PLXNA4: variants seen among roughly 807,000 people sequenced by gnomAD.
PLXNA4 encodes plexin-A4.
PLXNA4 carries 44 observed loss-of-function variants against 191.8 expected under a neutral mutation model. The observed-to-expected ratio is 0.23, with a 90% confidence interval of 0.18 to 0.29. PLXNA4 has a LOEUF of 0.29. Among genes scored for constraint, PLXNA4 ranks in the 10% least tolerant of loss-of-function variants. The probability of loss-of-function intolerance (pLI) is 1.00; values close to 1 mark genes in which losing one functional copy is unlikely to be tolerated. For synonymous variants in PLXNA4, 1,082 were observed against 1,009.5 expected (o/e 1.07, Z -1.36); for missense variants, 1,800 against 2,488.8 (o/e 0.72, Z 5.89).
rs553521554 is a variant in PLXNA4 at position 132,218,608 on chromosome 7, G to A, written c.2097+4919C>T. Among the ~76,000 whole-genome samples, 9 of 152,344 alleles carry A rather than the reference G, an allele frequency of 5.9e-5. No homozygotes were observed. The South Asian group carries it at 1.9e-3, about 32-fold the overall frequency. ...TTCCTCAAGCATCATCTTTAAGTGTGAATGCCTGATGGGAGGTCCAGGTTG... is the reference window on the plus strand; with the variant it reads ...TTCCTCAAGCATCATCTTTAAGTGTAAATGCCTGATGGGAGGTCCAGGTTG... On this transcript the variant is annotated intron_variant, in intron 9 of 31. Transcript: ENST00000321063.
chr7:132,296,791 G>A (rs1187539339), intron 4 of PLXNA4, among the ~76,000 whole-genome samples: 1 of 152,018 alleles, frequency 6.6e-6, no homozygotes, highest in East Asian at 1.9e-4. Flanking sequence ...TAAAAGCAAG[G>A]AATGCAGACA....
At chr7:132,368,964 C>T (rs1585044602) in intron 3 of PLXNA4, among the ~76,000 whole-genome samples, 1 of 152,326 alleles carries the variant, frequency 6.6e-6, no homozygotes, top group African/African-American at 2.4e-5. Flanking sequence ...GGGGCTTCCC[C>T]TGCAGTCCTC....
chr7:132,592,391 G>A (rs991996300), intron 2 of PLXNA4, among the ~76,000 whole-genome samples: 4 of 151,978 alleles, frequency 2.6e-5, no homozygotes, highest in African/African-American at 7.3e-5. Flanking sequence ...CCTGACACCC[G>A]ATCAAAATCA....
chr7:132,476,352 C>A (rs1221525778), intron 3 of PLXNA4, among the ~76,000 whole-genome samples: 1 of 152,192 alleles, frequency 6.6e-6, no homozygotes, highest in Admixed American at 6.5e-5. Context: ...ATGACTGATG[C>A]TTCCCCAGGC....
At chr7:132,384,087 A>T (rs956168811) in intron 3 of PLXNA4, 2 of 985,268 alleles carry the variant, frequency 2.0e-6, no homozygotes, top group Non-Finnish European at 2.4e-6. Flanking sequence ...TTTGGGACTC[A>T]CTTTCAGTGC....
chr7:132,142,370 T>G (rs1047250176), intron 29 of PLXNA4, among the ~76,000 whole-genome samples: 1 of 152,236 alleles, frequency 6.6e-6, no homozygotes. Flanking sequence ...TTGTTCTCAC[T>G]GATGGTAATA....
rs148141146 is a variant in PLXNA4 at position 132,291,940 on chromosome 7, G to A, written c.1503+6151C>T. 7.2e-3 allele frequency among the ~76,000 whole-genome samples: 1,092 copies of A among 152,294 alleles called. 10 individuals carry two copies. The highest frequency in any genetic ancestry group is 0.013 in the Non-Finnish European group (897 of 68,014). On this transcript the variant is annotated intron_variant, in intron 4 of 31. Transcript: ENST00000321063. ...CTCCCGAGTGGTTGGGATTACAGGT[G>A]CATGCCACCAGGCTCAGCTAATGTT...
chr7:132,568,014 G>C (rs575906554), intron 1 of PLXNA4, among the ~76,000 whole-genome samples: 263 of 152,196 alleles, frequency 1.7e-3, no homozygotes, highest in Non-Finnish European at 2.9e-3. Flanking sequence ...AGGGAAAGAG[G>C]TCACAAGCAC....
At chr7:132,287,383 A>G (rs1800722294) in intron 4 of PLXNA4, among the ~76,000 whole-genome samples, 1 of 152,250 alleles carries the variant, frequency 6.6e-6, no homozygotes, top group Admixed American at 6.5e-5. Flanking sequence ...AAAGCCTACT[A>G]CGTGCTAGGC....
At chr7:132,503,639 G>A (rs1322414746) in intron 2 of PLXNA4, among the ~76,000 whole-genome samples, 2 of 152,198 alleles carry the variant, frequency 1.3e-5, no homozygotes, top group Admixed American at 1.3e-4. Flanking sequence ...CAGGGAGCCT[G>A]GATGGCAGCC....
intron 10 of PLXNA4, among the ~76,000 whole-genome samples, chr7:132,203,863 C>CT (rs1275100936): frequency 6.6e-6 from 1 of 152,174 alleles, no homozygotes; most frequent in African/African-American, 2.4e-5. Flanking sequence ...TTGGGGAACT[C>CT]TAATTTCCAG....
intron 4 of PLXNA4, chr7:132,264,169 T>C (rs1476033738): frequency 6.6e-6 from 1 of 152,216 alleles, no homozygotes; most frequent in African/African-American, 2.4e-5. Context: ...AGCCCAGAGA[T>C]GGATCCCAAA....
intron 4 of PLXNA4, among the ~76,000 whole-genome samples, chr7:132,271,457 C>A (rs1017562239): frequency 2.7e-5 from 4 of 150,442 alleles, no homozygotes; most frequent in Non-Finnish European, 1.5e-5. Context: ...AGAAACATAC[C>A]TGACAATGTC....
chr7:132,519,862 C>A (rs1799102544), intron 1 of PLXNA4, among the ~76,000 whole-genome samples: 1 of 152,218 alleles, frequency 6.6e-6, no homozygotes, highest in African/African-American at 2.4e-5. Context: ...GCCTTTCTTT[C>A]TTGTTGCCTC....
chr7:132,381,912 C>A (rs1322573133), intron 3 of PLXNA4, among the ~76,000 whole-genome samples: 1 of 152,172 alleles, frequency 6.6e-6, no homozygotes, highest in African/African-American at 2.4e-5. Flanking sequence ...TCTGTGCACC[C>A]CCGCAGGCTT....
chr7:132,383,933 A>G, intron 3 of PLXNA4: 1 of 985,458 alleles, frequency 1.0e-6, no homozygotes, highest in South Asian at 4.7e-5. Flanking sequence ...TTTCTGAACA[A>G]CTGTTTATAA....
intron 2 of PLXNA4, among the ~76,000 whole-genome samples, chr7:132,596,056 C>T (rs1389166094): frequency 6.6e-6 from 1 of 152,154 alleles, no homozygotes; most frequent in Non-Finnish European, 1.5e-5. Flanking sequence ...AAGATCCAAT[C>T]AAAATTCACA....
intron 3 of PLXNA4, among the ~76,000 whole-genome samples, chr7:132,329,865 T>A (rs1802521644): frequency 6.6e-6 from 1 of 152,310 alleles, no homozygotes; most frequent in Non-Finnish European, 1.5e-5. Context: ...AGTCCCATGA[T>A]GAAGATCTTC....
At chr7:132,607,223 C>A (rs2342829) in intron 2 of PLXNA4, among the ~76,000 whole-genome samples, 125,937 of 152,144 alleles carry the variant, frequency 0.83, 54,236 homozygotes, top group Non-Finnish European at 0.97. Flanking sequence ...ACACATACAC[C>A]CAAGAGACAT....
Sources: allele counts gnomAD v4.1 joint callset (sites outside exome capture counted in the v4.1 genomes callset), GRCh38; gene constraint gnomAD v4.1.1; transcripts MANE v1.5; gene names NCBI Gene and HGNC (gene_info 2026-07-23, HGNC 2026-07-21).